MNAT1: variants seen among roughly 807,000 people sequenced by gnomAD.
MNAT1 encodes CDK-activating kinase assembly factor MAT1.
Under a neutral mutation model 42.0 loss-of-function variants are expected in MNAT1, and 43 were observed. The ratio of observed to expected loss-of-function variants is 1.02; its 90% CI spans 0.80 to 1.32. The LOEUF is 1.32. Ranked by LOEUF, MNAT1 falls within the 40% of genes most tolerant of loss-of-function variation. MNAT1 has a pLI of 0.00. For synonymous variants in MNAT1, 118 were observed against 120.0 expected, an observed-to-expected ratio of 0.98 and a Z score of 0.11; for missense variants, 306 against 350.4, an observed-to-expected ratio of 0.87 and a Z score of 1.01.
intron 7 of MNAT1, among the ~76,000 whole-genome samples, chr14:60,928,759 G>C (rs537522819): frequency 6.6e-6 from 1 of 151,952 alleles, no homozygotes; most frequent in East Asian, 1.9e-4. Context: ...AAAATTAATA[G>C]TTAAAAAAAG....
At chr14:60,943,616 CT>C (rs35712843) in intron 7 of MNAT1, among the ~76,000 whole-genome samples, 133,613 of 150,408 alleles carry the variant, frequency 0.89, 60,255 homozygotes, top group Non-Finnish European at 0.99. Flanking sequence ...ATTTGTTTCT[CT>C]TTTTTTTTTT....
At chr14:60,748,157 A>C (rs1187012702) in intron 1 of MNAT1, among the ~76,000 whole-genome samples, 1 of 151,812 alleles carries the variant, frequency 6.6e-6, no homozygotes, top group Admixed American at 6.6e-5. Context: ...AAATTGCGCT[A>C]CTGCACTCCA....
At chr14:60,827,624 A>G (rs1475223987) in intron 6 of MNAT1, among the ~76,000 whole-genome samples, 4 of 152,214 alleles carry the variant, frequency 2.6e-5, no homozygotes, top group African/African-American at 9.6e-5. Context: ...ACCAGGTGTT[A>G]TTAATTTATT....
In MNAT1 at chr14:60,968,350, C is replaced by T. The variant is rs1205163229; in HGVS notation, c.*1C>T. ...TGGGCTTTTCTGGCAGCCCAGTTAA[C>T]CATTTATAAGATTTGGACCTTGGAG... On this transcript the variant is annotated 3_prime_UTR_variant, in exon 8 of 8. Coordinates refer to ENST00000261245, the MANE Select transcript of MNAT1 (RefSeq NM_002431.4). 6.2e-7 allele frequency: 1 copy of T among 1,609,434 alleles called. No individual in the cohort carries two copies. Among genetic ancestry groups the T allele is most frequent in the Admixed American group, 1.7e-5 (1 of 58,354 alleles).
chr14:60,942,590 C>G (rs1340858767), intron 7 of MNAT1, among the ~76,000 whole-genome samples: 1 of 151,802 alleles, frequency 6.6e-6, no homozygotes, highest in East Asian at 1.9e-4. Context: ...GTAAGGTTTT[C>G]TTTGACTTTG....
chr14:60,750,106 G>A (rs2030006742), intron 1 of MNAT1, among the ~76,000 whole-genome samples: 1 of 152,096 alleles, frequency 6.6e-6, no homozygotes, highest in South Asian at 2.1e-4. Context: ...GGTCTAAGAG[G>A]GTTGAAAACA....
chr14:60,915,441 T>A (rs764563779), intron 7 of MNAT1, among the ~76,000 whole-genome samples: 19 of 152,232 alleles, frequency 1.2e-4, no homozygotes, highest in Non-Finnish European at 2.1e-4. Flanking sequence ...TTTCTTAGAT[T>A]TCCCATAATG....
At position 60,829,492 on chromosome 14, in the gene MNAT1, AC is replaced by A. The variant is rs770671130; in HGVS notation, c.687+10647del. Among the ~76,000 whole-genome samples the A allele has an allele frequency of 4.7e-4, 71 of 152,222 alleles. 1 individual carries two copies. The Middle Eastern group carries it at 0.02, about 44-fold the overall frequency. ...AGTTTTATGTAATATTCTTTCCTTT[AC>A]CACGGTAAAGGAAAAATTGTTAATA... On this transcript the variant is annotated intron_variant, in intron 6 of 7. Coordinates refer to ENST00000261245, the MANE Select transcript of MNAT1 (RefSeq NM_002431.4).
intron 6 of MNAT1, among the ~76,000 whole-genome samples, chr14:60,824,632 A>G (rs1303103893): frequency 6.6e-6 from 1 of 152,204 alleles, no homozygotes; most frequent in African/African-American, 2.4e-5. Context: ...TCCATGGGTA[A>G]GATATTGCTT....
At chr14:60,795,272 C>G (rs1463981679) in intron 1 of MNAT1, among the ~76,000 whole-genome samples, 2 of 152,188 alleles carry the variant, frequency 1.3e-5, no homozygotes, top group Non-Finnish European at 2.9e-5. Flanking sequence ...GAACTGCTCT[C>G]TCCTCCCATC....
intron 7 of MNAT1, among the ~76,000 whole-genome samples, chr14:60,930,526 C>T (rs2139568792): frequency 6.6e-6 from 1 of 152,120 alleles, no homozygotes; most frequent in African/African-American, 2.4e-5. Context: ...ACCAATTAGC[C>T]ATAATTCCTC....
At chr14:60,898,140 T>TGTGTGTGC (rs1328997127) in intron 7 of MNAT1, among the ~76,000 whole-genome samples, 2 of 10,082 alleles carry the variant, frequency 2.0e-4, no homozygotes, top group African/African-American at 5.5e-4. Context: ...TGTGTGTGTG[T>TGTGTGTGC]GCGCGCGCCA....
chr14:60,929,423 T>C (rs2139567027), intron 7 of MNAT1, among the ~76,000 whole-genome samples: 1 of 152,046 alleles, frequency 6.6e-6, no homozygotes, highest in East Asian at 1.9e-4. Flanking sequence ...TATTACCTCT[T>C]ACATTTGGGC....
chr14:60,903,372 G>A (rs1196261510), intron 7 of MNAT1, among the ~76,000 whole-genome samples: 5 of 152,064 alleles, frequency 3.3e-5, no homozygotes, highest in African/African-American at 4.8e-5. Flanking sequence ...TAGAATTTCA[G>A]CTGAAAACTT....
At position 60,955,972 on chromosome 14, in the gene MNAT1, A is replaced by AT. The variant is rs199855459; in HGVS notation, c.810-12249dup. 5.0e-3 allele frequency among the ~76,000 whole-genome samples: 747 copies of AT among 150,802 alleles called. 2 individuals are homozygous for AT. The highest frequency in any genetic ancestry group is 0.029 in the East Asian group (146 of 5,104). ...AAAAAACCAACTTTTAGTTTCATTG[A>AT]TTTTTTTTCTTTCTATTGTATGTCT... is the stretch of plus-strand genomic sequence containing the variant. On this transcript the variant is annotated intron_variant, in intron 7 of 7. Transcript: ENST00000261245.
At chr14:60,779,110 A>G (rs1412068963) in intron 1 of MNAT1, among the ~76,000 whole-genome samples, 1 of 152,174 alleles carries the variant, frequency 6.6e-6, no homozygotes, top group African/African-American at 2.4e-5. Flanking sequence ...TCACTAGGGA[A>G]GAAAAGGAGT....
intron 4 of MNAT1, among the ~76,000 whole-genome samples, chr14:60,809,417 T>G (rs2032476748): frequency 6.6e-6 from 1 of 152,126 alleles, no homozygotes. Flanking sequence ...GTATCTTATT[T>G]CTGAGAGCAT....
At chr14:60,912,966 T>G (rs2035411418) in intron 7 of MNAT1, among the ~76,000 whole-genome samples, 1 of 152,260 alleles carries the variant, frequency 6.6e-6, no homozygotes, top group South Asian at 2.1e-4. Flanking sequence ...GGTACACCAA[T>G]TAGATGTACA....
At chr14:60,793,165 G>A (rs898975157) in intron 1 of MNAT1, among the ~76,000 whole-genome samples, 6 of 150,940 alleles carry the variant, frequency 4.0e-5, no homozygotes, top group Admixed American at 2.0e-4. Flanking sequence ...CACCATGCCC[G>A]GCTAATTTGT....
Sources: allele counts gnomAD v4.1 joint callset (sites outside exome capture counted in the v4.1 genomes callset), GRCh38; gene constraint gnomAD v4.1.1; transcripts MANE v1.5; gene names NCBI Gene and HGNC (gene_info 2026-07-23, HGNC 2026-07-21).